Variants in IPO5 observed in about 807,000 individuals in gnomAD.
IPO5 encodes the protein importin 5.
IPO5 carries 18 observed loss-of-function variants against 143.3 expected under a neutral mutation model. That is an observed-to-expected ratio of 0.13 (90% CI 0.09 to 0.19). The LOEUF (loss-of-function observed/expected upper bound fraction) is 0.19, where lower values mean the gene tolerates loss of function less well. Among genes scored for constraint, IPO5 ranks in the 10% least tolerant of loss-of-function variants. The probability of loss-of-function intolerance (pLI) is 1.00; values close to 1 mark genes in which losing one functional copy is unlikely to be tolerated. For synonymous variants in IPO5, 477 were observed against 465.7 expected, an observed-to-expected ratio of 1.02 and a Z score of -0.31; for missense variants, 1,013 against 1,336.9, an observed-to-expected ratio of 0.76 and a Z score of 3.78.
At chr13:97,964,335 T>C (rs1277850671) in intron 2 of IPO5, among the ~76,000 whole-genome samples, 1 of 152,144 alleles carries the variant, frequency 6.6e-6, no homozygotes, top group South Asian at 2.1e-4. Flanking sequence ...AAGTTTTACA[T>C]TTAAGTCTTT....
chr13:98,012,656 A>G (rs1889799225), intron 21 of IPO5, among the ~76,000 whole-genome samples: 1 of 152,140 alleles, frequency 6.6e-6, no homozygotes, highest in Non-Finnish European at 1.5e-5. Context: ...GGTAAACGTT[A>G]AGAAAATAAG....
At chr13:98,012,528 A>G (rs1889791059) in intron 21 of IPO5, among the ~76,000 whole-genome samples, 186 bp downstream of exon 21, 1 of 152,222 alleles carries the variant, frequency 6.6e-6, no homozygotes, top group East Asian at 1.9e-4. Flanking sequence ...CAAAACATGA[A>G]AAAGAAAACG....
At chr13:97,971,008 C>T (rs552389600) in intron 3 of IPO5, among the ~76,000 whole-genome samples, 1 of 152,316 alleles carries the variant, frequency 6.6e-6, no homozygotes, top group South Asian at 2.1e-4. Flanking sequence ...TTCTATTACA[C>T]CCATTTCAGA....
chr13:97,968,750 G>A (rs1345214805), intron 2 of IPO5, among the ~76,000 whole-genome samples: 1 of 152,080 alleles, frequency 6.6e-6, no homozygotes, highest in Non-Finnish European at 1.5e-5. Context: ...GAGTGCAGTG[G>A]CACCATCTCG....
intron 3 of IPO5, among the ~76,000 whole-genome samples, chr13:97,972,210 T>A (rs1885881641): frequency 6.6e-6 from 1 of 152,226 alleles, no homozygotes; most frequent in Non-Finnish European, 1.5e-5. Context: ...GAGAATCTTA[T>A]GTTATTTGCA....
In IPO5 at chr13:98,012,180, G is replaced by C. The variant is rs1394571696; in HGVS notation, c.2056-66G>C. The C allele has an allele frequency of 3.2e-4, 305 of 947,402 alleles. 1 individual carries two copies. Among genetic ancestry groups the C allele is most frequent in the Non-Finnish European group, 1.2e-5 (7 of 574,488 alleles). The allele number at this position is 947,402 out of a possible 1,614,324, so 58.7% of individuals were successfully genotyped here. On this transcript the variant is annotated intron_variant, in intron 20 of 28. Transcript: ENST00000651721. Reference sequence around the variant, plus strand: ...CTCCTGTGGTCCTTATGATTTTGCTGTTTGTTAATATTAATGCTTGAAGAC... The same window carrying C: ...CTCCTGTGGTCCTTATGATTTTGCTCTTTGTTAATATTAATGCTTGAAGAC...
chr13:97,963,799 T>A (rs1208274134), intron 2 of IPO5, among the ~76,000 whole-genome samples: 1 of 152,156 alleles, frequency 6.6e-6, no homozygotes, highest in Non-Finnish European at 1.5e-5. Flanking sequence ...TTTGTCCAAT[T>A]TACACTCCCA....
intron 24 of IPO5, among the ~76,000 whole-genome samples, chr13:98,016,190 C>T (rs1890112008): frequency 6.6e-6 from 1 of 152,158 alleles, no homozygotes; most frequent in African/African-American, 2.4e-5. Context: ...CATCAAACCA[C>T]CTAGGACTGT....
Position 97,990,218 on chromosome 13 carries a change from C to T in IPO5, c.560C>T (p.Pro187Leu), listed in dbSNP as rs35584866. 430 of 1,588,646 alleles carry T rather than the reference C, an allele frequency of 2.7e-4. 1 individual carries two copies. Among genetic ancestry groups the T allele is most frequent in the Middle Eastern group, 1.2e-3 (7 of 6,022 alleles). ...CAGTGTATGCAAGATCAGGAACACC[C>T]GTCGGTAAATAATTTCAATCCTATT... ...LVQCMQDQEH[P>L]SIRTLSARAT... The change falls in exon 8 of 29, where the codon CCG becomes CTG. Residue 187 changes from proline to leucine, a missense_variant. Physicochemically the swap from Pro to Leu is moderately conservative, Grantham distance 98. Coordinates refer to ENST00000651721, the MANE Select transcript of IPO5 (RefSeq NM_002271.6).
chr13:97,977,026 C>T (rs1309328666), intron 4 of IPO5: 1 of 206,312 alleles, frequency 4.8e-6, no homozygotes, highest in Non-Finnish European at 1.0e-5. Flanking sequence ...CTCGCACCCA[C>T]GTGCGGCCGC....
chr13:97,976,240 C>T (rs1253193196), intron 3 of IPO5, among the ~76,000 whole-genome samples: 3 of 151,620 alleles, frequency 2.0e-5, no homozygotes, highest in East Asian at 4.0e-4. Context: ...CGGCTCCTCC[C>T]GCTGTCCCCG....
intron 9 of IPO5, among the ~76,000 whole-genome samples, chr13:97,991,928 C>T (rs1008926612): frequency 6.6e-6 from 1 of 152,166 alleles, no homozygotes; most frequent in African/African-American, 2.4e-5. Flanking sequence ...TATCCATGGC[C>T]TTTGCCCATC....
intron 22 of IPO5, 54 bp downstream of exon 22, chr13:98,014,268 T>A: frequency 7.3e-7 from 1 of 1,364,222 alleles, no homozygotes; most frequent in Non-Finnish European, 1.0e-6. Flanking sequence ...CATTTATTAG[T>A]CTTGCTAAAA....
chr13:97,998,193 T>G (rs368667299), intron 12 of IPO5, among the ~76,000 whole-genome samples: 5 of 152,242 alleles, frequency 3.3e-5, no homozygotes, highest in African/African-American at 1.2e-4. Flanking sequence ...GCCAGGATAG[T>G]CTCGATCTCC....
intron 16 of IPO5, 149 bp from the exon 17 acceptor site, chr13:98,005,981 C>G: frequency 1.6e-6 from 1 of 615,880 alleles, no homozygotes; most frequent in Non-Finnish European, 2.9e-6. Flanking sequence ...TAGAAATTTC[C>G]TCCAAAACCT....
At chr13:97,993,696 T>C (rs533906375) in intron 11 of IPO5, among the ~76,000 whole-genome samples, 110 of 152,372 alleles carry the variant, frequency 7.2e-4, no homozygotes, top group African/African-American at 2.6e-3. Flanking sequence ...GAAACTTAAA[T>C]GGCTATTGTG....
intron 12 of IPO5, among the ~76,000 whole-genome samples, chr13:97,998,034 G>A (rs1888446788): frequency 6.6e-6 from 1 of 152,208 alleles, no homozygotes. Context: ...GGAGTGCAGT[G>A]GCGCGATCTC....
chr13:97,989,137 T>C lies in IPO5; in HGVS notation c.440T>C (p.Leu147Pro), dbSNP rs375532265. 10 of 1,611,322 alleles carry C rather than the reference T, an allele frequency of 6.2e-6. No homozygotes were observed. In the African/African-American group the frequency reaches 9.3e-5, roughly 15 times the overall value. ...TCAGTCAGCTCTCAAAATGTGGGAC[T>C]GCGGGAAGCTGCCCTTCACATTTTC... is the stretch of plus-strand genomic sequence containing the variant. Reference protein sequence around the residue: ...FDSVSSQNVGLREAALHIFWN... With the variant: ...FDSVSSQNVGPREAALHIFWN... Residue 147 changes from leucine (L) to proline (P), a missense_variant, in exon 7 of 29, where the codon CTG becomes CCG. Transcript: ENST00000651721.
chr13:98,014,962 C>T (rs1453625868), intron 22 of IPO5, among the ~76,000 whole-genome samples: 1 of 152,038 alleles, frequency 6.6e-6, no homozygotes, highest in Non-Finnish European at 1.5e-5. Context: ...CACTGCCTTC[C>T]TCTTCATTGA....
Sources: gnomAD v4.1 joint callset for allele counts (sites outside exome capture counted in the v4.1 genomes callset) on GRCh38, gnomAD v4.1.1 for gene constraint, MANE v1.5 for transcripts, NCBI Gene and HGNC (gene_info 2026-07-23, HGNC 2026-07-21) for gene names.